Variants in IFNAR2 observed in about 807,000 individuals in gnomAD.
IFNAR2 encodes the protein interferon alpha/beta receptor 2.
Under a neutral mutation model 49.4 loss-of-function variants are expected in IFNAR2, and 30 were observed. The observed-to-expected ratio is 0.61, with a 90% CI of 0.45 to 0.82. The LOEUF (loss-of-function observed/expected upper bound fraction) is 0.82, where lower values mean the gene tolerates loss of function less well. IFNAR2 is among the 40% of genes least tolerant of loss of function. The pLI is 0.00. For synonymous variants in IFNAR2, 224 were observed against 234.5 expected (o/e 0.96, Z 0.41); for missense variants, 600 against 622.7 (o/e 0.96, Z 0.39).
At chr21:33,254,840 C>T (rs150966022) in intron 7 of IFNAR2, among the ~76,000 whole-genome samples, 12 of 152,242 alleles carry the variant, frequency 7.9e-5, no homozygotes, top group South Asian at 4.1e-4. Flanking sequence ...CAAGGGTTCT[C>T]GGGATCTCCT....
At chr21:33,238,341 CTA>C (rs5843593) in intron 1 of IFNAR2, among the ~76,000 whole-genome samples, 27,260 of 152,138 alleles carry the variant, frequency 0.18, 3,073 homozygotes, top group East Asian at 0.38. Context: ...CTTCTTACTC[CTA>C]TGTCACCAGC....
intron 1 of IFNAR2, among the ~76,000 whole-genome samples, chr21:33,234,523 A>G (rs751837621): frequency 1.2e-3 from 181 of 152,300 alleles, no homozygotes; most frequent in Admixed American, 2.2e-3. Context: ...TATGTCAAAC[A>G]GAAGGAAAGA....
Position 33,252,787 on chromosome 21 carries a change from G to T in IFNAR2, c.666G>T (p.Lys222Asn). The T allele has an allele frequency of 6.2e-7, 1 of 1,613,996 alleles. No individual in the cohort carries two copies. The highest frequency in any genetic ancestry group is 8.5e-7 in the Non-Finnish European group (1 of 1,179,930). The stretch of plus-strand genomic sequence containing the variant: ...ACAGTGATGAGCAAGCAGTAATAAA[G>T]TCTCCCTTAAAATGCACCCTCCTTC... ...LEHSDEQAVIKSPLKCTLLPP... is the reference protein window; with the variant it reads ...LEHSDEQAVINSPLKCTLLPP... The change falls in exon 7 of 9, where the codon AAG (lysine) becomes AAT (asparagine). Residue 222 changes from lysine to asparagine, a missense_variant. Transcript: ENST00000342136.
chr21:33,238,654 C>T (rs1986666574), intron 1 of IFNAR2, among the ~76,000 whole-genome samples: 1 of 147,372 alleles, frequency 6.8e-6, no homozygotes, highest in South Asian at 2.3e-4. Context: ...AACTCAAAAA[C>T]TTCTGGGTGT....
chr21:33,255,367 G>A (rs1988138885), intron 7 of IFNAR2, among the ~76,000 whole-genome samples: 1 of 152,174 alleles, frequency 6.6e-6, no homozygotes, highest in Non-Finnish European at 1.5e-5. Context: ...CACAAGTCAT[G>A]GGTGACAAGG....
rs1055791226 is a variant in IFNAR2, at chr21:33,264,630, C to G, written c.*1130C>G. 1 of 145,724 alleles carries G rather than the reference C, an allele frequency of 6.9e-6. No individual in the cohort carries two copies. Among genetic ancestry groups the G allele is most frequent in the Non-Finnish European group, 1.5e-5 (1 of 66,754 alleles). The allele number at this position is 145,724 out of a possible 1,614,324, so 9.0% of individuals were successfully genotyped here. A position where few individuals can be genotyped will look rare whatever the true frequency, so the allele number is the denominator to read the frequency against. On this transcript the variant is annotated 3_prime_UTR_variant, in exon 9 of 9. Transcript: ENST00000342136. ...AGTGCTCTCTATGCTGATTCCGAGT[C>G]GAGTGTGTCAGCTGTGATTACAGTG...
intron 7 of IFNAR2, among the ~76,000 whole-genome samples, chr21:33,257,783 C>T (rs1211045124): frequency 1.2e-4 from 18 of 152,084 alleles, no homozygotes; most frequent in Admixed American, 6.5e-5. Context: ...CAGACACGTG[C>T]GGCAGCAGTA....
rs1270158907 is a variant in IFNAR2 at position 33,230,370 on chromosome 21, G to A, written c.-84+154G>A. 1 of 629,880 alleles carries A rather than the reference G, an allele frequency of 1.6e-6. No individual in the cohort carries two copies. Among genetic ancestry groups the A allele is most frequent in the Non-Finnish European group, 2.3e-6 (1 of 434,174 alleles). The allele number at this position is 629,880 out of a possible 1,614,324, so 39.0% of individuals were successfully genotyped here. On this transcript the variant is annotated intron_variant, in intron 1 of 8. Coordinates refer to ENST00000342136, the MANE Select transcript of IFNAR2 (RefSeq NM_001289125.3). The surrounding 1 kb of genome is among the most constrained non-coding windows in gnomAD (Gnocchi z 5.5). ...TCCTCCTGCCCTCCCTCTGCGTCTT[G>A]AGTATGCGGCTAGTGCGCCCTTCCT... is the stretch of plus-strand genomic sequence containing the variant.
chr21:33,232,112 A>G (rs1986105392), intron 1 of IFNAR2, among the ~76,000 whole-genome samples: 1 of 152,222 alleles, frequency 6.6e-6, no homozygotes, highest in Non-Finnish European at 1.5e-5. Context: ...GTAAGAAAAA[A>G]CACTGTCAAT....
chr21:33,261,691 A>G (rs1298538646), intron 8 of IFNAR2, among the ~76,000 whole-genome samples: 1 of 152,064 alleles, frequency 6.6e-6, no homozygotes, highest in African/African-American at 2.4e-5. Context: ...CCTGGGCAAT[A>G]TAAGGAAACC....
At chr21:33,251,463 A>G (rs1338277334) in intron 6 of IFNAR2, 2 of 701,714 alleles carry the variant, frequency 2.9e-6, no homozygotes, top group Non-Finnish European at 3.5e-6. Context: ...AATTGGAGAC[A>G]GTGAAGAGAG....
chr21:33,247,667 C>A (rs946138930), intron 5 of IFNAR2, among the ~76,000 whole-genome samples: 1 of 152,188 alleles, frequency 6.6e-6, no homozygotes, highest in African/African-American at 2.4e-5. Flanking sequence ...AGACTAGACC[C>A]CAAGAACAGG....
intron 8 of IFNAR2, chr21:33,262,493 T>C (rs1988673329): frequency 4.5e-6 from 3 of 668,802 alleles, no homozygotes. Context: ...TTAGCTGTTA[T>C]TATTGCTGTC....
intron 1 of IFNAR2, among the ~76,000 whole-genome samples, chr21:33,241,370 G>A (rs1281327462): frequency 6.6e-6 from 1 of 152,122 alleles, no homozygotes; most frequent in Non-Finnish European, 1.5e-5. Flanking sequence ...AATGTCTATA[G>A]TAGGGGTACT....
intron 1 of IFNAR2, among the ~76,000 whole-genome samples, chr21:33,235,617 A>G (rs1176956023): frequency 6.6e-6 from 1 of 152,086 alleles, no homozygotes; most frequent in African/African-American, 2.4e-5. Context: ...TTTGTTTGCT[A>G]TTTAATATCA....
chr21:33,262,318 C>G (rs893431996), intron 8 of IFNAR2, among the ~76,000 whole-genome samples: 1 of 147,690 alleles, frequency 6.8e-6, no homozygotes, highest in African/African-American at 2.5e-5. Flanking sequence ...GAGCCAAGAC[C>G]GCACTACTGC....
chr21:33,255,652 C>A (rs1988160667), intron 7 of IFNAR2, among the ~76,000 whole-genome samples: 1 of 152,164 alleles, frequency 6.6e-6, no homozygotes, highest in South Asian at 2.1e-4. Context: ...GACTCCCCAA[C>A]CCTTGGTGTT....
chr21:33,260,566 G>C, intron 7 of IFNAR2, 31 bp from the exon 8 acceptor site: 1 of 1,569,048 alleles, frequency 6.4e-7, no homozygotes, highest in East Asian at 2.3e-5. Flanking sequence ...TGCATTTTTT[G>C]AAATAAAGTC....
intron 1 of IFNAR2, among the ~76,000 whole-genome samples, chr21:33,237,078 G>GGTGTGTGT (rs34322078): frequency 0.03 from 4,357 of 147,622 alleles, 95 homozygotes; most frequent in African/African-American, 0.049. Context: ...GGGAGAATGG[G>GGTGTGTGT]GTGTGTGTGT....
Sources: gnomAD v4.1 joint callset for allele counts (sites outside exome capture counted in the v4.1 genomes callset) on GRCh38, gnomAD v4.1.1 for gene constraint, Gnocchi (gnomAD v3.1) non-coding constraint, MANE v1.5 for transcripts, NCBI Gene and HGNC (gene_info 2026-07-23, HGNC 2026-07-21) for gene names.